Variants in ANKRD26 observed in about 807,000 individuals in gnomAD.
The protein encoded by ANKRD26 is ankyrin repeat domain 26.
Under a neutral mutation model 208.7 loss-of-function variants are expected in ANKRD26, and 141 were observed. That is an observed-to-expected ratio of 0.68 (90% CI 0.59 to 0.78). The LOEUF (loss-of-function observed/expected upper bound fraction) is 0.78. Ranked by LOEUF, ANKRD26 falls within the 30% of genes least tolerant of loss-of-function variation. ANKRD26 has a pLI of 0.00. For synonymous variants in ANKRD26, 636 were observed against 660.4 expected (o/e 0.96, Z 0.57); for missense variants, 1,889 against 1,938.7 (o/e 0.97, Z 0.48).
rs778711840 is a variant in ANKRD26 at position 27,006,905 on chromosome 10, T to C, written c.4999+12A>G. 6 of 1,601,528 alleles carry C rather than the reference T, an allele frequency of 3.7e-6. No individual in the cohort carries two copies. In the South Asian group the frequency reaches 5.5e-5, roughly 15 times the overall value. Reference sequence around the variant, plus strand: ...TTAATCTAAATTTAATTCATGAAGTTTGGCAACATACCTTCTTTGAGTTCT... The same window carrying C: ...TTAATCTAAATTTAATTCATGAAGTCTGGCAACATACCTTCTTTGAGTTCT... On this transcript the variant is annotated intron_variant, in intron 33 of 33. Transcript: ENST00000376087.
chr10:27,063,606 C>T (rs2135467277), intron 12 of ANKRD26, among the ~76,000 whole-genome samples: 1 of 152,316 alleles, frequency 6.6e-6, no homozygotes, highest in Middle Eastern at 3.4e-3. Flanking sequence ...CAGGCATAAG[C>T]CACGCGCCTG....
intron 12 of ANKRD26, among the ~76,000 whole-genome samples, chr10:27,062,726 T>C (rs888733031): frequency 2.0e-5 from 3 of 152,128 alleles, no homozygotes; most frequent in African/African-American, 4.8e-5. Context: ...TCTTTTCTTT[T>C]GGCCTTTGAG....
chr10:26,983,019 C>A (rs1316777116), intron 3 of ANKRD26, among the ~76,000 whole-genome samples: 1 of 152,022 alleles, frequency 6.6e-6, no homozygotes, highest in East Asian at 1.9e-4. Flanking sequence ...GATATAAATC[C>A]AAAATTCAGT....
intron 3 of ANKRD26, among the ~76,000 whole-genome samples, chr10:27,093,088 C>CA (rs879854814): frequency 1.0e-3 from 129 of 124,180 alleles, no homozygotes; most frequent in East Asian, 5.1e-3. Flanking sequence ...GACTCTGTCT[C>CA]AAAAAAAAAA....
chr10:26,962,341 GA>G, the ANKRD26 span, among the ~76,000 whole-genome samples: 1 of 152,278 alleles, frequency 6.6e-6, no homozygotes, highest in South Asian at 2.1e-4. Context: ...TTGGGAGGCT[GA>G]GGCGGGCAGA....
chr10:27,024,687 T>C (rs1335100856), intron 27 of ANKRD26, 128 bp from the exon 28 acceptor site: 11 of 510,474 alleles, frequency 2.2e-5, no homozygotes, highest in Admixed American at 1.0e-4. Flanking sequence ...ATAAACCTAA[T>C]GGCAATAAGA....
chr10:27,044,184 A>T lies in ANKRD26; in HGVS notation c.1992T>A (p.Thr664=). Residue 664 remains threonine, a synonymous_variant, in exon 19 of 34, where the codon ACT becomes ACA. Transcript: ENST00000376087. ...SEIDEDEGRP[T]KKTSNEKNKV... ...TGTTCTTTTCATTAGATGTTTTCTT[A>T]GTAGGCCTAAAAAAAAAAAATACCT... The T allele has an allele frequency of 2.1e-6, 3 of 1,426,622 alleles. No homozygotes were observed. The highest frequency in any genetic ancestry group is 5.1e-5 in the East Asian group (2 of 39,020). 88.4% of individuals were successfully genotyped at this position (1,426,622 alleles called of 1,614,324 possible). A position where few individuals can be genotyped will look rare whatever the true frequency, so the allele number is the denominator to read the frequency against.
chr10:27,036,475 C>T (rs980237757), intron 23 of ANKRD26, among the ~76,000 whole-genome samples: 3 of 151,936 alleles, frequency 2.0e-5, no homozygotes, highest in African/African-American at 7.2e-5. Context: ...TTTTACAACA[C>T]TAATGGTAAA....
At chr10:27,030,746 G>T in intron 25 of ANKRD26, 1 of 255,772 alleles carries the variant, frequency 3.9e-6, no homozygotes, top group Non-Finnish European at 6.1e-6. Flanking sequence ...ACCTATGTTA[G>T]CTGTGGCCTT....
chr10:27,049,256 G>A (rs952825531), intron 16 of ANKRD26, among the ~76,000 whole-genome samples: 1 of 151,910 alleles, frequency 6.6e-6, no homozygotes, highest in African/African-American at 2.4e-5. Flanking sequence ...TCTTAATTTT[G>A]TGCTTTTATT....
At chr10:26,951,408 T>C in the ANKRD26 span, among the ~76,000 whole-genome samples, 3 of 152,166 alleles carry the variant, frequency 2.0e-5, no homozygotes, top group South Asian at 4.1e-4. Context: ...TTTTTCCTGA[T>C]GTTTTCTTTT....
intron 1 of ANKRD26, among the ~76,000 whole-genome samples, chr10:27,099,459 G>C (rs1300244659): frequency 6.6e-6 from 1 of 151,768 alleles, no homozygotes; most frequent in Non-Finnish European, 1.5e-5. Flanking sequence ...TGAAAGATAG[G>C]GTCTTGCTCT....
At chr10:27,001,928 C>T (rs992761469), downstream of ANKRD26, among the ~76,000 whole-genome samples, 1 of 152,164 alleles carries the variant, frequency 6.6e-6, no homozygotes, top group African/African-American at 2.4e-5. Context: ...TAAATAATTT[C>T]TTTCTATCTC....
At chr10:26,984,412 G>A (rs1475678090) in intron 3 of ANKRD26, among the ~76,000 whole-genome samples, 3 of 152,172 alleles carry the variant, frequency 2.0e-5, no homozygotes, top group African/African-American at 4.8e-5. Flanking sequence ...TTTTTAAGAT[G>A]AGACATGTAA....
intron 5 of ANKRD26, among the ~76,000 whole-genome samples, chr10:26,976,505 G>A (rs868619508): frequency 9.9e-5 from 15 of 152,052 alleles, no homozygotes; most frequent in Non-Finnish European, 1.6e-4. Context: ...CTGAGCCACC[G>A]CATCCAACCA....
chr10:26,977,385 G>A (rs1414142394), intron 5 of ANKRD26, among the ~76,000 whole-genome samples: 3 of 152,254 alleles, frequency 2.0e-5, no homozygotes, highest in African/African-American at 2.4e-5. Flanking sequence ...TATTTGAATC[G>A]AAATGAGTTC....
chr10:27,076,091 A>G (rs973248702), intron 9 of ANKRD26, among the ~76,000 whole-genome samples: 3 of 152,216 alleles, frequency 2.0e-5, no homozygotes, highest in African/African-American at 4.8e-5. Context: ...AACCTCTTAC[A>G]GCAAATCAGT....
chr10:27,056,623 C>T (rs1346678145), intron 15 of ANKRD26, among the ~76,000 whole-genome samples: 4 of 151,394 alleles, frequency 2.6e-5, no homozygotes, highest in Non-Finnish European at 4.4e-5. Context: ...ACTAAAAATA[C>T]AAAATTAGCC....
downstream of ANKRD26, among the ~76,000 whole-genome samples, chr10:26,971,675 C>CAAA (rs1170237211): frequency 0.084 from 7,494 of 89,146 alleles, 496 homozygotes; most frequent in Admixed American, 0.16. Context: ...GACCATGTCT[C>CAAA]AAAAAAAAAA....
Sources: gnomAD v4.1 joint callset for allele counts (sites outside exome capture counted in the v4.1 genomes callset) on GRCh38, gnomAD v4.1.1 for gene constraint, MANE v1.5 for transcripts, NCBI Gene and HGNC (gene_info 2026-07-23, HGNC 2026-07-21) for gene names.